ZMAT4: variants seen among roughly 807,000 people sequenced by gnomAD.
ZMAT4 encodes the protein zinc finger matrin-type protein 4.
A neutral mutation model predicts 28.7 loss-of-function variants in ZMAT4; 17 were observed. The observed-to-expected ratio is 0.59, with a 90% CI of 0.41 to 0.89. The LOEUF is 0.89. ZMAT4 is among the 40% of genes least tolerant of loss of function. The pLI is 0.00. For synonymous variants in ZMAT4, 117 were observed against 109.2 expected (o/e 1.07, Z -0.44); for missense variants, 240 against 283.8 (o/e 0.85, Z 1.11).
chr8:40,808,143 T>C (rs1281654371), intron 2 of ZMAT4, among the ~76,000 whole-genome samples: 1 of 152,122 alleles, frequency 6.6e-6, no homozygotes, highest in African/African-American at 2.4e-5. Context: ...CATAATTATA[T>C]AGATTGAAAA....
intron 2 of ZMAT4, among the ~76,000 whole-genome samples, chr8:40,794,270 G>A (rs371508729): frequency 6.6e-6 from 1 of 152,082 alleles, no homozygotes; most frequent in Non-Finnish European, 1.5e-5. Context: ...ATAGCTTGTT[G>A]GCACCATAAG....
chr8:40,641,789 T>C (rs1807041710), intron 5 of ZMAT4, among the ~76,000 whole-genome samples: 1 of 152,214 alleles, frequency 6.6e-6, no homozygotes, highest in Non-Finnish European at 1.5e-5. Flanking sequence ...TATTTTTAAG[T>C]TTAGGCACTC....
intron 2 of ZMAT4, among the ~76,000 whole-genome samples, chr8:40,813,744 G>A (rs1563502067): frequency 6.6e-6 from 1 of 152,202 alleles, no homozygotes; most frequent in African/African-American, 2.4e-5. Flanking sequence ...TAGCTTCATG[G>A]AATTAATGAA....
At chr8:40,673,279 G>A (rs1027961092) in intron 5 of ZMAT4, among the ~76,000 whole-genome samples, 1 of 152,128 alleles carries the variant, frequency 6.6e-6, no homozygotes, top group African/African-American at 2.4e-5. Flanking sequence ...ATATTAAGAA[G>A]TGACCTGTCC....
intron 1 of ZMAT4, among the ~76,000 whole-genome samples, chr8:40,848,131 CCAAA>C (rs1816974464): frequency 6.6e-6 from 1 of 152,080 alleles, no homozygotes; most frequent in Admixed American, 6.6e-5. Context: ...TGTTAATAAC[CCAAA>C]CAAAGGAAAA....
At chr8:40,625,312 C>T (rs1806332960) in intron 5 of ZMAT4, among the ~76,000 whole-genome samples, 1 of 152,074 alleles carries the variant, frequency 6.6e-6, no homozygotes, top group Non-Finnish European at 1.5e-5. Context: ...GGTTCCAATT[C>T]TATTCCAGTT....
intron 1 of ZMAT4, among the ~76,000 whole-genome samples, chr8:40,854,716 G>C (rs1817233363): frequency 6.6e-6 from 1 of 152,144 alleles, no homozygotes; most frequent in Non-Finnish European, 1.5e-5. Flanking sequence ...TAAGGCAAAA[G>C]GATGGCAGGG....
At chr8:40,897,174 A>T (rs1818906740) in intron 1 of ZMAT4, among the ~76,000 whole-genome samples, 1 of 152,010 alleles carries the variant, frequency 6.6e-6, no homozygotes, top group African/African-American at 2.4e-5. Flanking sequence ...CACCAAATAA[A>T]ATGAACTGAG....
intron 2 of ZMAT4, among the ~76,000 whole-genome samples, chr8:40,806,243 T>C (rs1357520597): frequency 6.6e-6 from 1 of 152,228 alleles, no homozygotes; most frequent in Non-Finnish European, 1.5e-5. Flanking sequence ...ACTGGGGCAC[T>C]TGGAGTTTCA....
intron 3 of ZMAT4, among the ~76,000 whole-genome samples, chr8:40,747,544 T>A (rs992107531): frequency 6.6e-6 from 1 of 151,164 alleles, no homozygotes; most frequent in Admixed American, 6.6e-5. Flanking sequence ...TTTTGCATCA[T>A]CAGCCATGAT....
intron 3 of ZMAT4, among the ~76,000 whole-genome samples, chr8:40,743,718 G>A (rs140118549): frequency 1.5e-3 from 224 of 152,284 alleles, no homozygotes; most frequent in African/African-American, 5.2e-3. Flanking sequence ...GGCAGGGAGC[G>A]GCCGATTCCG....
chr8:40,699,724 TTTTTAA>T (rs1810049919), intron 3 of ZMAT4, among the ~76,000 whole-genome samples: 3 of 152,384 alleles, frequency 2.0e-5, no homozygotes, highest in African/African-American at 7.2e-5. Flanking sequence ...TTATACCATT[TTTTTAA>T]CTACTTACGC....
In ZMAT4 at chr8:40,675,676, T is replaced by C. The variant is rs568377401; in HGVS notation, c.350-745A>G. On this transcript the variant is annotated intron_variant, in intron 4 of 6. Coordinates refer to ENST00000297737, the MANE Select transcript of ZMAT4 (RefSeq NM_024645.3). ...GTGTGCTATAAATGTAATTAACCAA[T>C]AAATAAAGGATTTGGCTAAGTGGTA... Among the ~76,000 whole-genome samples, 3 of 152,314 alleles carry C rather than the reference T, an allele frequency of 2.0e-5. No homozygotes were observed. The South Asian group carries it at 6.2e-4, about 32-fold the overall frequency.
intron 1 of ZMAT4, among the ~76,000 whole-genome samples, chr8:40,893,569 G>A (rs1041838022): frequency 3.9e-5 from 6 of 152,178 alleles, no homozygotes; most frequent in Non-Finnish European, 8.8e-5. Context: ...GAAGGCCGCC[G>A]TTTCCCACTC....
At chr8:40,730,519 A>G (rs188890639) in intron 3 of ZMAT4, among the ~76,000 whole-genome samples, 230 of 152,300 alleles carry the variant, frequency 1.5e-3, no homozygotes, top group African/African-American at 5.4e-3. Flanking sequence ...CATTCACAAT[A>G]CTTTATTCCT....
chr8:40,894,333 C>G (rs1055443118), intron 1 of ZMAT4, among the ~76,000 whole-genome samples: 19 of 152,214 alleles, frequency 1.2e-4, no homozygotes, highest in African/African-American at 7.2e-5. Flanking sequence ...GCTCCTATCA[C>G]ATTCCACAAT....
intron 5 of ZMAT4, among the ~76,000 whole-genome samples, chr8:40,601,610 GAAAGAAAGAAAGAAAGAAAGAAAGAGAA>G (rs1805351698): frequency 5.1e-5 from 2 of 39,212 alleles, no homozygotes; most frequent in Admixed American, 2.2e-4. Flanking sequence ...AAGAAAGAAA[GAAAGAAAGAAAGAAAGAAAGAAAGAGAA>G]AGAAAGAAAG....
chr8:40,641,495 G>A (rs1405075619), intron 5 of ZMAT4, among the ~76,000 whole-genome samples: 1 of 152,182 alleles, frequency 6.6e-6, no homozygotes, highest in Non-Finnish European at 1.5e-5. Context: ...CAGTGTTTTA[G>A]TGATTTTATT....
At chr8:40,690,669 A>T (rs1426651746) in intron 4 of ZMAT4, among the ~76,000 whole-genome samples, 1 of 152,158 alleles carries the variant, frequency 6.6e-6, no homozygotes, top group African/African-American at 2.4e-5. Context: ...TGCATGTATT[A>T]TTCAAAATTT....
Sources: gnomAD v4.1 joint callset for allele counts (sites outside exome capture counted in the v4.1 genomes callset) on GRCh38, gnomAD v4.1.1 for gene constraint, MANE v1.5 for transcripts, NCBI Gene and HGNC (gene_info 2026-07-23, HGNC 2026-07-21) for gene names.